The following RIN3 variants were observed in gnomAD, a reference collection of about 807,000 sequenced individuals.
The protein encoded by RIN3 is RAB5 interacting protein 3.
A neutral mutation model predicts 76.3 loss-of-function variants in RIN3; 54 were observed. The observed-to-expected ratio is 0.71, with a 90% CI of 0.57 to 0.89. RIN3 has a LOEUF of 0.89. RIN3 is among the 40% of genes least tolerant of loss of function. The probability of loss-of-function intolerance (pLI) is 0.00; values close to 1 mark genes in which losing one functional copy is unlikely to be tolerated. For missense variants in RIN3, 1,256 were observed against 1,322.1 expected, an observed-to-expected ratio of 0.95 and a Z score of 0.78; for synonymous variants, 576 against 564.0, an observed-to-expected ratio of 1.02 and a Z score of -0.30.
At position 92,648,723 on chromosome 14, in the gene RIN3, G is replaced by A. The variant is rs1025225344; in HGVS notation, c.533-2859G>A. On this transcript the variant is annotated intron_variant, in intron 5 of 9. Coordinates refer to ENST00000216487, the MANE Select transcript of RIN3 (RefSeq NM_024832.5). This position sits in a 1 kb window ranked among gnomAD's most constrained non-coding sequence, Gnocchi z 4.1. ...CTTCTGGAAACTCTGAGTCTGGTGG[G>A]AAAGTCAGGCAAAAAACAGAGAATT... 1.3e-5 allele frequency among the ~76,000 whole-genome samples: 2 copies of A among 152,212 alleles called. No individual in the cohort carries two copies. The highest frequency in any genetic ancestry group is 2.4e-5 in the African/African-American group (1 of 41,456).
intron 4 of RIN3, among the ~76,000 whole-genome samples, chr14:92,621,235 C>CAAAAACAAAA (rs1886169054): frequency 1.4e-5 from 1 of 70,696 alleles, no homozygotes; most frequent in African/African-American, 6.2e-5. Context: ...GACTCCGTCT[C>CAAAAACAAAA]AAAAAAAAAA....
In RIN3 at chr14:92,513,880, G is replaced by C. The variant is rs1314940412; in HGVS notation, c.-53G>C. 1 of 1,235,644 alleles carries C rather than the reference G, an allele frequency of 8.1e-7. No individual in the cohort carries two copies. Among genetic ancestry groups the C allele is most frequent in the East Asian group, 3.2e-5 (1 of 30,824 alleles). 76.5% of individuals were successfully genotyped at this position (1,235,644 alleles called of 1,614,324 possible). On this transcript the variant is annotated 5_prime_UTR_variant, in exon 1 of 10. Transcript: ENST00000216487. ...GCGGGCGCCCGGGACTCCGCGTTCC[G>C]CGCGGCCCGGCGCCTGAGCGCCTCC...
rs952040808 is a variant in RIN3 at position 92,687,697 on chromosome 14, C to T, written c.2632-229C>T. On this transcript the variant is annotated intron_variant, in intron 9 of 9. Transcript: ENST00000216487. Reference sequence around the variant, plus strand: ...GCTCCTCTTTGCAGGGACTCCGAGACGCGCCTTAATTCATCTCCCAGAACT... The same window carrying T: ...GCTCCTCTTTGCAGGGACTCCGAGATGCGCCTTAATTCATCTCCCAGAACT... 27 of 516,930 alleles carry T rather than the reference C, an allele frequency of 5.2e-5. No homozygotes were observed. The African/African-American group carries it at 5.3e-4, about 10-fold the overall frequency. The allele number at this position is 516,930 out of a possible 1,614,324, so 32.0% of individuals were successfully genotyped here.
intron 7 of RIN3, 23 bp downstream of exon 7, chr14:92,659,492 T>G: frequency 3.2e-6 from 5 of 1,570,112 alleles, no homozygotes; most frequent in Non-Finnish European, 4.3e-6. Flanking sequence ...CCGGGAGGGG[T>G]CTGGGTGAGG....
chr14:92,657,613 C>T (rs1162338391), intron 6 of RIN3, among the ~76,000 whole-genome samples: 1 of 152,146 alleles, frequency 6.6e-6, no homozygotes, highest in South Asian at 2.1e-4. Flanking sequence ...GGGGAAGAGA[C>T]ATGGCCGAGG....
At chr14:92,654,260 G>A (rs920448425) in intron 6 of RIN3, among the ~76,000 whole-genome samples, 1 of 151,666 alleles carries the variant, frequency 6.6e-6, no homozygotes. Context: ...GTTGCAGTGA[G>A]CCGAGATTGT....
At chr14:92,520,726 A>G (rs1414212194) in intron 1 of RIN3, among the ~76,000 whole-genome samples, 3 of 152,182 alleles carry the variant, frequency 2.0e-5, no homozygotes, top group Admixed American at 2.0e-4. Flanking sequence ...ATCTTCACGG[A>G]CTGAAGAAAT....
At chr14:92,576,406 A>G (rs1898233285) in intron 2 of RIN3, 3 of 1,289,518 alleles carry the variant, frequency 2.3e-6, no homozygotes, top group Non-Finnish European at 3.0e-6. Flanking sequence ...TCTAGAGCAC[A>G]GCTGCGTCCT....
In RIN3 at chr14:92,652,532, C is replaced by G. The variant is rs1271245845; in HGVS notation, c.1483C>G (p.Pro495Ala). ...GGCGATGGCCTTGGAGACACCCACG[C>G]CGGGTCCACCCAGAGAGGGCCAAAG... is the stretch of plus-strand genomic sequence containing the variant. ...TQAMALETPTPGPPREGQSPA... is the reference protein window; with the variant it reads ...TQAMALETPTAGPPREGQSPA... Residue 495 changes from proline (P) to alanine (A), a missense_variant, in exon 6 of 10, where the codon CCG becomes GCG. Pro to Ala is a conservative substitution (Grantham distance 27). Transcript: ENST00000216487. The surrounding 1 kb of genome is among the most constrained non-coding windows in gnomAD (Gnocchi z 6.4). The G allele has an allele frequency of 6.2e-7, 1 of 1,613,742 alleles. No homozygotes were observed.
chr14:92,675,256 G>C (rs1888420832), intron 7 of RIN3, among the ~76,000 whole-genome samples: 1 of 152,104 alleles, frequency 6.6e-6, no homozygotes, highest in South Asian at 2.1e-4. Context: ...GTTTCCTATA[G>C]TATCATCCCT....
rs2139982913 is a variant in RIN3, at chr14:92,514,120, G to A, written c.44+144G>A. Reference sequence around the variant, plus strand: ...CTGATACGGGACCCCCACCGTGGCCGAGGCCAGAACCTGGTTCTGCGGGGC... The same window carrying A: ...CTGATACGGGACCCCCACCGTGGCCAAGGCCAGAACCTGGTTCTGCGGGGC... On this transcript the variant is annotated intron_variant, in intron 1 of 9. Coordinates refer to ENST00000216487, the MANE Select transcript of RIN3 (RefSeq NM_024832.5). This position sits in a 1 kb window ranked among gnomAD's most constrained non-coding sequence, Gnocchi z 7.2. 1 of 551,492 alleles carries A rather than the reference G, an allele frequency of 1.8e-6. No individual in the cohort carries two copies. Among genetic ancestry groups the A allele is most frequent in the Non-Finnish European group, 2.7e-6 (1 of 366,894 alleles). 34.2% of individuals were successfully genotyped at this position (551,492 alleles called of 1,614,324 possible).
chr14:92,549,533 G>C (rs942061), intron 1 of RIN3, among the ~76,000 whole-genome samples: 123,179 of 152,260 alleles, frequency 0.81, 50,041 homozygotes, highest in Middle Eastern at 0.88. Context: ...AGCTATCCAC[G>C]CTGGAGTGGA....
intron 4 of RIN3, among the ~76,000 whole-genome samples, chr14:92,617,734 G>A (rs989869573): frequency 5.3e-5 from 8 of 151,670 alleles, no homozygotes; most frequent in South Asian, 2.1e-4. Context: ...TAATCCCCTA[G>A]CACTGAATTT....
At chr14:92,560,960 G>T in intron 2 of RIN3, among the ~76,000 whole-genome samples, 1 of 141,484 alleles carries the variant, frequency 7.1e-6, no homozygotes, top group Admixed American at 7.5e-5. Flanking sequence ...GGCAGAGGTT[G>T]CAGTGAGCCG....
chr14:92,652,838 A>T lies in RIN3; in HGVS notation c.1789A>T (p.Asn597Tyr). 6.2e-7 allele frequency: 1 copy of T among 1,614,046 alleles called. No homozygotes were observed. Reference protein sequence around the residue: ...FSSMFHAFLSNNRKLYKKVVE... With the variant: ...FSSMFHAFLSYNRKLYKKVVE... ...CAGCATGTTCCACGCTTTCCTCTCCAACAACCGCAAGCTGTACAAGAAGGT... is the reference window on the plus strand; with the variant it reads ...CAGCATGTTCCACGCTTTCCTCTCCTACAACCGCAAGCTGTACAAGAAGGT... The change falls in exon 6 of 10, where the codon AAC (asparagine) becomes TAC (tyrosine). Residue 597 changes from asparagine (N) to tyrosine (Y), a missense_variant. Asn to Tyr is a moderately radical substitution (Grantham distance 143). Transcript: ENST00000216487. The surrounding 1 kb of genome is among the most constrained non-coding windows in gnomAD (Gnocchi z 6.4).
intron 4 of RIN3, among the ~76,000 whole-genome samples, chr14:92,639,510 T>A (rs1886906681): frequency 6.6e-6 from 1 of 152,100 alleles, no homozygotes; most frequent in South Asian, 2.1e-4. Context: ...GAGACATGGC[T>A]GGAAAGGGGG....
chr14:92,614,111 C>A (rs1336043677), intron 3 of RIN3, among the ~76,000 whole-genome samples: 1 of 152,206 alleles, frequency 6.6e-6, no homozygotes, highest in Non-Finnish European at 1.5e-5. Context: ...ATCCTGGCAC[C>A]CTGCCCCTCC....
intron 2 of RIN3, among the ~76,000 whole-genome samples, chr14:92,572,649 A>G (rs771151657): frequency 6.6e-6 from 1 of 152,176 alleles, no homozygotes; most frequent in Non-Finnish European, 1.5e-5. Context: ...TCCTTGGGGA[A>G]AATGGATGGT....
rs2140092196 is a variant in RIN3, at chr14:92,604,544, AAAGG to A, written c.368-10862_368-10859del. ...TTTTCTCCAAGCATTGAGCCCTCCG[AAAGG>A]TCAGAAACTCCTGTCTCCTGTAGGG... On this transcript the variant is annotated intron_variant, in intron 3 of 9. Coordinates refer to ENST00000216487, the MANE Select transcript of RIN3 (RefSeq NM_024832.5). Among the ~76,000 whole-genome samples the A allele has an allele frequency of 1.3e-5, 2 of 152,198 alleles. 1 individual carries two copies. The highest frequency in any genetic ancestry group is 4.2e-4 in the South Asian group (2 of 4,816).
Sources: gnomAD v4.1 joint callset for allele counts (sites outside exome capture counted in the v4.1 genomes callset) on GRCh38, gnomAD v4.1.1 for gene constraint, Gnocchi (gnomAD v3.1) non-coding constraint, MANE v1.5 for transcripts, NCBI Gene and HGNC (gene_info 2026-07-23, HGNC 2026-07-21) for gene names.